GPR63: variants seen among roughly 807,000 people sequenced by gnomAD.
GPR63 encodes probable G protein-coupled receptor 63.
A neutral mutation model predicts 23.1 loss-of-function variants in GPR63; 12 were observed. The ratio of observed to expected loss-of-function variants is 0.52; its 90% CI spans 0.33 to 0.84. GPR63 has a LOEUF of 0.84. GPR63 is among the 40% of genes least tolerant of loss of function. The probability of loss-of-function intolerance (pLI) is 0.02; values close to 1 mark genes in which losing one functional copy is unlikely to be tolerated. For missense variants in GPR63, 472 were observed against 515.6 expected (o/e 0.92, Z 0.82); for synonymous variants, 172 against 191.1 (o/e 0.90, Z 0.82).
At chr6:96,814,042 C>G (rs1022784044) in intron 1 of GPR63, among the ~76,000 whole-genome samples, 1 of 152,138 alleles carries the variant, frequency 6.6e-6, no homozygotes, top group Admixed American at 6.5e-5. Context: ...AGTATTGTTA[C>G]TTCAAAGCAA....
Position 96,799,152 on chromosome 6 carries a change from T to C in GPR63, c.580A>G (p.Arg194Gly), listed in dbSNP as rs1159341796. 6.2e-7 allele frequency: 1 copy of C among 1,614,126 alleles called. No homozygotes were observed. The highest frequency in any genetic ancestry group is 1.1e-5 in the South Asian group (1 of 91,082). Residue 194 changes from arginine (R) to glycine (G), a missense_variant, in exon 2 of 2, where the codon AGA (arginine) becomes GGA (glycine). Physicochemically the swap from Arg to Gly is moderately radical, Grantham distance 125 (BLOSUM62 -2). Transcript: ENST00000229955. Reference protein sequence around the residue: ...VQRQDKLNPYRAKVLIAVSWA... With the variant: ...VQRQDKLNPYGAKVLIAVSWA... ...GAAACTGCAATCAGAACCTTAGCTCTATATGGGTTTAGCTTATCCTGCCTC... is the reference window on the plus strand; with the variant it reads ...GAAACTGCAATCAGAACCTTAGCTCCATATGGGTTTAGCTTATCCTGCCTC...
intron 1 of GPR63, among the ~76,000 whole-genome samples, chr6:96,821,528 C>G (rs1774312498): frequency 6.6e-6 from 1 of 152,176 alleles, no homozygotes; most frequent in Admixed American, 6.5e-5. Flanking sequence ...CTACTTTAAA[C>G]AGTGGCAGAA....
chr6:96,811,653 C>T (rs1268530093), intron 1 of GPR63, among the ~76,000 whole-genome samples: 1 of 152,084 alleles, frequency 6.6e-6, no homozygotes, highest in Non-Finnish European at 1.5e-5. Flanking sequence ...AAGTGTATCA[C>T]ATATAAATTT....
chr6:96,808,868 G>A (rs1454905867), intron 1 of GPR63, among the ~76,000 whole-genome samples: 1 of 151,960 alleles, frequency 6.6e-6, no homozygotes, highest in East Asian at 1.9e-4. Flanking sequence ...CTGGTGTGCT[G>A]CACCCATTAA....
chr6:96,833,458 T>C (rs541169301), intron 1 of GPR63, among the ~76,000 whole-genome samples: 1 of 152,218 alleles, frequency 6.6e-6, no homozygotes, highest in Non-Finnish European at 1.5e-5. Context: ...GTTTTTGTTT[T>C]GTTTTATATT....
At chr6:96,807,347 T>G (rs974283879) in intron 1 of GPR63, among the ~76,000 whole-genome samples, 2 of 152,236 alleles carry the variant, frequency 1.3e-5, no homozygotes, top group African/African-American at 2.4e-5. Flanking sequence ...CACTGGATAC[T>G]CACTGTGGCA....
chr6:96,821,229 A>G (rs1371744361), intron 1 of GPR63, among the ~76,000 whole-genome samples: 2 of 152,262 alleles, frequency 1.3e-5, no homozygotes, highest in East Asian at 1.9e-4. Context: ...TGCTCAATAC[A>G]TACGCACTAG....
In GPR63 at chr6:96,798,971, G is replaced by T; in HGVS notation, c.761C>A (p.Pro254His). The change falls in exon 2 of 2, where the codon CCC (proline) becomes CAC (histidine). Residue 254 changes from proline (P) to histidine (H), a missense_variant. Coordinates refer to ENST00000229955, the MANE Select transcript of GPR63 (RefSeq NM_030784.4). ...AAATGAGTACAGTATTACCAGGAAGGGTATGAAGAAAGAAATGAGAGAAAT... is the reference window on the plus strand; with the variant it reads ...AAATGAGTACAGTATTACCAGGAAGTGTATGAAGAAAGAAATGAGAGAAAT... ...ILISLISFFIPFLVILYSFMG... is the reference protein window; with the variant it reads ...ILISLISFFIHFLVILYSFMG... 1 of 1,614,104 alleles carries T rather than the reference G, an allele frequency of 6.2e-7. No individual in the cohort carries two copies. The highest frequency in any genetic ancestry group is 8.5e-7 in the Non-Finnish European group (1 of 1,180,026).
intron 1 of GPR63, among the ~76,000 whole-genome samples, chr6:96,828,503 C>A (rs1338611105): frequency 4.7e-5 from 7 of 148,388 alleles, no homozygotes; most frequent in Non-Finnish European, 5.9e-5. Context: ...TCTGGGTAAC[C>A]ACTAAAATAA....
intron 1 of GPR63, among the ~76,000 whole-genome samples, chr6:96,807,976 A>C (rs1773939169): frequency 6.6e-6 from 1 of 152,202 alleles, no homozygotes; most frequent in Admixed American, 6.5e-5. Context: ...CTGGGAGTTA[A>C]ACCCAGGAAG....
At position 96,799,443 on chromosome 6, in the gene GPR63, G is replaced by GA; in HGVS notation, c.288dup (p.Leu97SerfsTer21). On this transcript the variant is annotated frameshift_variant, in exon 2 of 2. Transcript: ENST00000229955. LOFTEE classifies it high-confidence loss of function. Reference sequence around the variant, plus strand: ...ATGAGGCAAACAACCAAGTTCCCAAGAAAAGACACAAACAGAATGAATATC... The same window carrying GA: ...ATGAGGCAAACAACCAAGTTCCCAAGAAAAAGACACAAACAGAATGAATATC... 6.2e-7 allele frequency: 1 copy of GA among 1,614,090 alleles called. No individual in the cohort carries two copies. Among genetic ancestry groups the GA allele is most frequent in the Admixed American group, 1.7e-5 (1 of 60,006 alleles).
chr6:96,836,537 A>T (rs1582287023), intron 1 of GPR63, among the ~76,000 whole-genome samples: 1 of 152,206 alleles, frequency 6.6e-6, no homozygotes, highest in Non-Finnish European at 1.5e-5. Context: ...TCCAAGACTA[A>T]ACGATCTCTT....
chr6:96,799,228 T>C lies in GPR63; in HGVS notation c.504A>G (p.Gly168=), dbSNP rs762073863. Residue 168 remains glycine, a synonymous_variant, in exon 2 of 2, where the codon GGA becomes GGG. Transcript: ENST00000229955. The part of the protein sequence containing the change: ...AMFFWLFVIE[G]VAILLIISID... ...TGCTAATGATGAGCAGGATGGCTAC[T>C]CCTTCTATCACAAATAACCAGAAAA... The C allele has an allele frequency of 9.9e-6, 16 of 1,614,030 alleles. No individual in the cohort carries two copies. The South Asian group carries it at 1.8e-4, about 18-fold the overall frequency.
chr6:96,811,886 AAAT>A (rs1562118995), intron 1 of GPR63, among the ~76,000 whole-genome samples: 4 of 131,878 alleles, frequency 3.0e-5, no homozygotes, highest in African/African-American at 8.3e-5. Flanking sequence ...ATAAATAAAT[AAAT>A]AAAATAAAAG....
intron 1 of GPR63, among the ~76,000 whole-genome samples, chr6:96,831,905 CA>C (rs1323625608): frequency 4.4e-5 from 6 of 135,472 alleles, no homozygotes; most frequent in East Asian, 2.1e-4. Flanking sequence ...GACTCTGTCA[CA>C]AAAAAAAAAT....
chr6:96,832,881 C>T (rs1373451583), intron 1 of GPR63, among the ~76,000 whole-genome samples: 1 of 151,954 alleles, frequency 6.6e-6, no homozygotes, highest in Non-Finnish European at 1.5e-5. Flanking sequence ...ATCACCAAAC[C>T]TGTAAGTGGG....
chr6:96,834,784 G>C (rs1233162499), intron 1 of GPR63, among the ~76,000 whole-genome samples: 1 of 152,214 alleles, frequency 6.6e-6, no homozygotes, highest in African/African-American at 2.4e-5. Context: ...AAATAGTTTT[G>C]CTTGTAGTAA....
chr6:96,799,331 T>G lies in GPR63; in HGVS notation c.401A>C (p.Asn134Thr), dbSNP rs1486563866. The G allele has an allele frequency of 3.1e-6, 5 of 1,614,120 alleles. No homozygotes were observed. In the East Asian group the frequency reaches 1.1e-4, roughly 36 times the overall value. Residue 134 changes from asparagine (N) to threonine (T), a missense_variant, in exon 2 of 2, where the codon AAC (asparagine) becomes ACC (threonine). Physicochemically the swap from Asn to Thr is moderately conservative, Grantham distance 65. Coordinates refer to ENST00000229955, the MANE Select transcript of GPR63 (RefSeq NM_030784.4). ...AATAGTTACCAGGGCAAAGGGCATGTTCAGCACTGCAAGCAACATGTCTGC... is the reference window on the plus strand; with the variant it reads ...AATAGTTACCAGGGCAAAGGGCATGGTCAGCACTGCAAGCAACATGTCTGC... ...AFADMLLAVL[N>T]MPFALVTILT...
intron 1 of GPR63, among the ~76,000 whole-genome samples, chr6:96,803,303 G>C (rs1320808754): frequency 6.6e-6 from 1 of 152,146 alleles, no homozygotes; most frequent in African/African-American, 2.4e-5. Context: ...ATGCCAGCTT[G>C]GTGACCAGTC....
Sources: allele counts gnomAD v4.1 joint callset (sites outside exome capture counted in the v4.1 genomes callset), GRCh38; gene constraint gnomAD v4.1.1; transcripts MANE v1.5; gene names NCBI Gene and HGNC (gene_info 2026-07-23, HGNC 2026-07-21).